The following PCDHGB3 variants were observed in gnomAD, a reference collection of about 807,000 sequenced individuals.
The protein encoded by PCDHGB3 is protocadherin gamma-B3.
PCDHGB3 carries 40 observed loss-of-function variants against 59.2 expected under a neutral mutation model. The ratio of observed to expected loss-of-function variants is 0.68; its 90% CI spans 0.52 to 0.88. The LOEUF (loss-of-function observed/expected upper bound fraction) is 0.88, where lower values mean the gene tolerates loss of function less well. Among genes scored for constraint, PCDHGB3 ranks in the 40% least tolerant of loss-of-function variants. The probability of loss-of-function intolerance (pLI) is 0.00; values close to 1 mark genes in which losing one functional copy is unlikely to be tolerated. For missense variants in PCDHGB3, 1,309 were observed against 1,187.9 expected (o/e 1.10, Z -1.50); for synonymous variants, 581 against 503.6 (o/e 1.15, Z -2.06).
In PCDHGB3 at chr5:141,491,907, G is replaced by A; in HGVS notation, c.2416-2900G>A. 5 of 1,408,726 alleles carry A rather than the reference G, an allele frequency of 3.5e-6. No homozygotes were observed. In the South Asian group the frequency reaches 7.5e-5, roughly 21 times the overall value. The allele number at this position is 1,408,726 out of a possible 1,614,324, so 87.3% of individuals were successfully genotyped here. A position where few individuals can be genotyped will look rare whatever the true frequency, so the allele number is the denominator to read the frequency against. ...TGGGGCTCCGAGCACCGGGGGTGGTGGCGACTGTGGGCGAGGGGAGGTGGG... is the reference window on the plus strand; with the variant it reads ...TGGGGCTCCGAGCACCGGGGGTGGTAGCGACTGTGGGCGAGGGGAGGTGGG... On this transcript the variant is annotated intron_variant, in intron 1 of 3. Coordinates refer to ENST00000576222, the MANE Select transcript of PCDHGB3 (RefSeq NM_018924.5). This position sits in a 1 kb window ranked among gnomAD's most constrained non-coding sequence, Gnocchi z 6.9.
At position 141,487,667 on chromosome 5, in the gene PCDHGB3, ATATGGCTAGGCCATG is replaced by A; in HGVS notation, c.2416-7138_2416-7124del. 1.9e-6 allele frequency: 3 copies of A among 1,612,782 alleles called. No individual in the cohort carries two copies. In the South Asian group the frequency reaches 3.3e-5, roughly 18 times the overall value. ...GCTTGAGGGTTATTCTGATCCAGGC[ATATGGCTAGGCCATG>A]TCCTAGAGAGTACTGGCCTCTCAGT... On this transcript the variant is annotated intron_variant, in intron 1 of 3. Transcript: ENST00000576222. The surrounding 1 kb of genome is among the most constrained non-coding windows in gnomAD (Gnocchi z 5.0).
Position 141,487,315 on chromosome 5 carries a change from G to T in PCDHGB3, c.2416-7492G>T, listed in dbSNP as rs568326280. 11 of 1,614,166 alleles carry T rather than the reference G, an allele frequency of 6.8e-6. No individual in the cohort carries two copies. In the South Asian group the frequency reaches 1.2e-4, roughly 18 times the overall value. ...GCTCATTCGTGGCACTACTCTCTAA[G>T]TGTCTTCGTGGGGCAGCCTGTGGAG... On this transcript the variant is annotated intron_variant, in intron 1 of 3. Transcript: ENST00000576222. The surrounding 1 kb of genome is among the most constrained non-coding windows in gnomAD (Gnocchi z 5.0).
chr5:141,398,789 C>G (rs1400897772), intron 1 of PCDHGB3: 5 of 1,613,778 alleles, frequency 3.1e-6, no homozygotes, highest in Non-Finnish European at 4.2e-6. Context: ...GGACATCCAC[C>G]CCTAAGCGGC....
At chr5:141,423,163 G>A (rs758720418) in intron 1 of PCDHGB3, 2 of 1,613,480 alleles carry the variant, frequency 1.2e-6, no homozygotes, top group South Asian at 2.2e-5. Context: ...CCTCGTGGTG[G>A]CCGTCCAGGA....
chr5:141,451,739 G>A (rs1343538104), intron 1 of PCDHGB3, among the ~76,000 whole-genome samples: 1 of 152,082 alleles, frequency 6.6e-6, no homozygotes, highest in East Asian at 1.9e-4. Flanking sequence ...AAAATTAGCT[G>A]GTCTGGTGGT....
In PCDHGB3 at chr5:141,491,144, TGGA is replaced by T. The variant is rs757881044; in HGVS notation, c.2416-3659_2416-3657del. ...GAGGTGCGCACAGCCCGGGCCTTAC[TGGA>T]GGATGACTCTGACACCCAGCAGGTG... On this transcript the variant is annotated intron_variant, in intron 1 of 3. Coordinates refer to ENST00000576222, the MANE Select transcript of PCDHGB3 (RefSeq NM_018924.5). This position sits in a 1 kb window ranked among gnomAD's most constrained non-coding sequence, Gnocchi z 6.9. The T allele has an allele frequency of 1.2e-6, 2 of 1,614,158 alleles. No individual in the cohort carries two copies. The highest frequency in any genetic ancestry group is 2.2e-5 in the South Asian group (2 of 91,086).
intron 1 of PCDHGB3, among the ~76,000 whole-genome samples, chr5:141,446,280 A>G (rs1011084291): frequency 2.6e-5 from 4 of 152,162 alleles, no homozygotes; most frequent in South Asian, 2.1e-4. Context: ...AATACAATGG[A>G]TAAATGGGGA....
At chr5:141,425,695 T>G (rs1329762653) in intron 1 of PCDHGB3, among the ~76,000 whole-genome samples, 1 of 152,232 alleles carries the variant, frequency 6.6e-6, no homozygotes, top group African/African-American at 2.4e-5. Context: ...TATCATTTCA[T>G]AGTGGTCAAA....
At chr5:141,375,595 C>T (rs1444867378) in intron 1 of PCDHGB3, 13 of 1,614,066 alleles carry the variant, frequency 8.1e-6, no homozygotes, top group African/African-American at 1.3e-5. Flanking sequence ...TGTCCTCCTA[C>T]GTGTCCATCA....
chr5:141,388,541 T>C, intron 1 of PCDHGB3: 1 of 1,613,800 alleles, frequency 6.2e-7, no homozygotes, highest in Non-Finnish European at 8.5e-7. Flanking sequence ...ACTTTGGAGC[T>C]CCACCCCTAA....
chr5:141,395,127 C>T (rs767438347), intron 1 of PCDHGB3: 2 of 1,614,200 alleles, frequency 1.2e-6, no homozygotes, highest in African/African-American at 1.3e-5. Context: ...GATCTTTCCC[C>T]AGCCCAACTA....
intron 1 of PCDHGB3, chr5:141,376,167 T>C (rs1772357284): frequency 3.1e-6 from 5 of 1,614,124 alleles, no homozygotes; most frequent in East Asian, 2.2e-5. Context: ...TACCTGGTGG[T>C]GGCGGTGGCC....
intron 1 of PCDHGB3, chr5:141,395,561 T>C (rs1589266253): frequency 8.5e-6 from 2 of 235,114 alleles, no homozygotes; most frequent in East Asian, 1.7e-4. Context: ...TGTGTGTGTG[T>C]GTGTGTGTGT....
chr5:141,458,168 A>G (rs1287422935), intron 1 of PCDHGB3, among the ~76,000 whole-genome samples: 1 of 152,254 alleles, frequency 6.6e-6, no homozygotes. Context: ...TGTTCACAGT[A>G]GTATACCTTA....
chr5:141,411,193 AAAAC>A (rs1267742802), intron 1 of PCDHGB3: 2 of 152,212 alleles, frequency 1.3e-5, no homozygotes, highest in African/African-American at 4.8e-5. Flanking sequence ...GGCATCTAAG[AAAAC>A]AAACAAGTAA....
chr5:141,422,136 AGTACGGGG>A (rs772818860), intron 1 of PCDHGB3: 9 of 1,588,992 alleles, frequency 5.7e-6, no homozygotes, highest in Non-Finnish European at 7.7e-6. Flanking sequence ...GAGAAGTTCA[AGTACGGGG>A]GTCTCTGGAT....
At chr5:141,380,163 G>A (rs765381808) in intron 1 of PCDHGB3, among the ~76,000 whole-genome samples, 1 of 152,092 alleles carries the variant, frequency 6.6e-6, no homozygotes, top group African/African-American at 2.4e-5. Context: ...GCCTCTCAAA[G>A]GGCTGGGATT....
chr5:141,436,487 A>G (rs2097826897), intron 1 of PCDHGB3, among the ~76,000 whole-genome samples: 2 of 152,196 alleles, frequency 1.3e-5, no homozygotes, highest in Non-Finnish European at 2.9e-5. Context: ...GAAGGATAGC[A>G]GCTTTGCAAT....
intron 2 of PCDHGB3, among the ~76,000 whole-genome samples, chr5:141,501,052 A>G (rs1007055288): frequency 6.6e-6 from 1 of 151,988 alleles, no homozygotes; most frequent in Non-Finnish European, 1.5e-5. Flanking sequence ...TATTTTTAGT[A>G]GAGACGGGGT....
Sources: allele counts gnomAD v4.1 joint callset (sites outside exome capture counted in the v4.1 genomes callset), GRCh38; gene constraint gnomAD v4.1.1; non-coding constraint Gnocchi (gnomAD v3.1); transcripts MANE v1.5; gene names NCBI Gene and HGNC (gene_info 2026-07-23, HGNC 2026-07-21).